GRIN3A: variants seen among roughly 807,000 people sequenced by gnomAD.
The protein encoded by GRIN3A is glutamate ionotropic receptor NMDA type subunit 3A.
GRIN3A carries 47 observed loss-of-function variants against 92.4 expected under a neutral mutation model. That is an observed-to-expected ratio of 0.51 (90% confidence interval 0.40 to 0.65). GRIN3A has a LOEUF of 0.65. Ranked by LOEUF, GRIN3A falls within the 30% of genes least tolerant of loss-of-function variation. The probability of loss-of-function intolerance (pLI) is 0.00; values close to 1 mark genes in which losing one functional copy is unlikely to be tolerated. For synonymous variants in GRIN3A, 527 were observed against 540.6 expected, an observed-to-expected ratio of 0.97 and a Z score of 0.35; for missense variants, 1,324 against 1,393.1, an observed-to-expected ratio of 0.95 and a Z score of 0.79.
chr9:101,694,929 A>C (rs1477474637), intron 1 of GRIN3A, among the ~76,000 whole-genome samples: 3 of 152,214 alleles, frequency 2.0e-5, no homozygotes. Flanking sequence ...AGTCACTGCA[A>C]TCTTCAGGAG....
intron 5 of GRIN3A, among the ~76,000 whole-genome samples, chr9:101,621,284 C>CAA (rs33962051): frequency 7.7e-4 from 99 of 129,260 alleles, no homozygotes; most frequent in Admixed American, 1.9e-3. Context: ...GACTCAGTCT[C>CAA]AAAAAAAAAA....
At chr9:101,611,167 C>G (rs1442577494) in intron 6 of GRIN3A, among the ~76,000 whole-genome samples, 2 of 151,758 alleles carry the variant, frequency 1.3e-5, no homozygotes, top group Non-Finnish European at 2.9e-5. Context: ...CTTAGGAGGC[C>G]AAAAGTCTGA....
At position 101,623,355 on chromosome 9, in the gene GRIN3A, G is replaced by A; in HGVS notation, c.2577C>T (p.Cys859=). 2 of 1,613,432 alleles carry A rather than the reference G, an allele frequency of 1.2e-6. No individual in the cohort carries two copies. The highest frequency in any genetic ancestry group is 1.7e-6 in the Non-Finnish European group (2 of 1,179,372). The part of the protein sequence containing the change: ...LDYEVSIDAD[C]KLLTVGKPFA... ...ATGGCTTCCCCACAGTGAGAAGTTT[G>A]CAGTCAGCATCTATTGACACTTCAT... Residue 859 remains cysteine, a synonymous_variant, in exon 5 of 9, where the codon TGC becomes TGT. Transcript: ENST00000361820.
At chr9:101,731,700 C>T (rs1830141097) in intron 1 of GRIN3A, among the ~76,000 whole-genome samples, 1 of 152,096 alleles carries the variant, frequency 6.6e-6, no homozygotes, top group African/African-American at 2.4e-5. Flanking sequence ...TGACAGTCTC[C>T]CTGAAAGTGC....
chr9:101,608,362 G>A (rs1224955677), intron 6 of GRIN3A, among the ~76,000 whole-genome samples: 1 of 152,166 alleles, frequency 6.6e-6, no homozygotes, highest in Non-Finnish European at 1.5e-5. Flanking sequence ...AATGCTTCCA[G>A]CTGACTACAT....
intron 3 of GRIN3A, among the ~76,000 whole-genome samples, chr9:101,649,599 A>C (rs1481795455): frequency 2.0e-5 from 3 of 152,026 alleles, no homozygotes; most frequent in African/African-American, 7.2e-5. Context: ...AGAGTGGTGT[A>C]GTCTGAAATA....
At chr9:101,724,603 G>A (rs1268374774) in intron 1 of GRIN3A, among the ~76,000 whole-genome samples, 2 of 152,246 alleles carry the variant, frequency 1.3e-5, no homozygotes, top group Non-Finnish European at 2.9e-5. Context: ...GCCAAAGTGG[G>A]ATCCCAGGCA....
intron 1 of GRIN3A, among the ~76,000 whole-genome samples, chr9:101,690,686 G>A (rs1434833541): frequency 6.6e-6 from 1 of 151,992 alleles, no homozygotes; most frequent in Non-Finnish European, 1.5e-5. Flanking sequence ...GAAAATGATA[G>A]GCCTTGCTTT....
chr9:101,624,409 G>A (rs1828601898), intron 4 of GRIN3A, among the ~76,000 whole-genome samples: 1 of 126,526 alleles, frequency 7.9e-6, no homozygotes, highest in Admixed American at 1.1e-4. Flanking sequence ...AGAGTGTGAT[G>A]TTCCCCTTCC....
intron 6 of GRIN3A, among the ~76,000 whole-genome samples, chr9:101,606,298 C>T (rs949263602): frequency 2.6e-5 from 4 of 152,158 alleles, no homozygotes; most frequent in Admixed American, 1.3e-4. Context: ...CCCTGGGAAG[C>T]GGACCTCTCT....
intron 5 of GRIN3A, among the ~76,000 whole-genome samples, chr9:101,620,718 A>G (rs1283877184): frequency 3.9e-5 from 6 of 152,156 alleles, no homozygotes; most frequent in Non-Finnish European, 8.8e-5. Flanking sequence ...GGTTATGGGT[A>G]GGCATATAAA....
At chr9:101,704,467 T>C (rs1829789314) in intron 1 of GRIN3A, among the ~76,000 whole-genome samples, 1 of 151,928 alleles carries the variant, frequency 6.6e-6, no homozygotes, top group African/African-American at 2.4e-5. Flanking sequence ...TTAGAATGAT[T>C]TGACTTAATG....
At chr9:101,668,706 G>A (rs1829273807) in intron 3 of GRIN3A, among the ~76,000 whole-genome samples, 1 of 152,130 alleles carries the variant, frequency 6.6e-6, no homozygotes, top group South Asian at 2.1e-4. Flanking sequence ...ATTGTTGGCT[G>A]AATCCTCTCA....
intron 1 of GRIN3A, among the ~76,000 whole-genome samples, chr9:101,726,488 T>C (rs1830083508): frequency 6.6e-6 from 1 of 152,180 alleles, no homozygotes; most frequent in South Asian, 2.1e-4. Flanking sequence ...GTCATTTTCC[T>C]GTAAGATTTC....
At chr9:101,707,999 A>G (rs1829832635) in intron 1 of GRIN3A, among the ~76,000 whole-genome samples, 1 of 152,128 alleles carries the variant, frequency 6.6e-6, no homozygotes. Context: ...GGAAAAAAAG[A>G]GAACTCCTCA....
intron 6 of GRIN3A, chr9:101,601,198 T>G (rs961189702): frequency 1.3e-5 from 2 of 152,220 alleles, no homozygotes; most frequent in African/African-American, 2.4e-5. Context: ...TTGCTTATAA[T>G]GGCTGAAGTA....
intron 8 of GRIN3A, among the ~76,000 whole-genome samples, chr9:101,577,305 C>A (rs945017284): frequency 6.6e-6 from 1 of 152,018 alleles, no homozygotes. Context: ...TAATTGCCTG[C>A]GGTATTCATT....
intron 6 of GRIN3A, among the ~76,000 whole-genome samples, chr9:101,596,979 G>A (rs6479056): frequency 0.8 from 122,405 of 152,130 alleles, 49,774 homozygotes; most frequent in African/African-American, 0.92. Context: ...ATGAGACTGC[G>A]TGGGCCACAT....
chr9:101,596,165 A>T (rs1250114156), intron 6 of GRIN3A, among the ~76,000 whole-genome samples: 1 of 152,206 alleles, frequency 6.6e-6, no homozygotes, highest in Admixed American at 6.5e-5. Context: ...TTCAGCCAAA[A>T]TATCAGTCTA....
Sources: gnomAD v4.1 joint callset for allele counts (sites outside exome capture counted in the v4.1 genomes callset) on GRCh38, gnomAD v4.1.1 for gene constraint, MANE v1.5 for transcripts, NCBI Gene and HGNC (gene_info 2026-07-23, HGNC 2026-07-21) for gene names.